The following MAP3K4 variants were observed in gnomAD, a reference collection of about 807,000 sequenced individuals.
The protein encoded by MAP3K4 is mitogen-activated protein kinase kinase kinase 4.
In MAP3K4, 67 loss-of-function variants were observed where a neutral mutation model predicts 185.6. The observed-to-expected ratio is 0.36, with a 90% CI of 0.30 to 0.44. MAP3K4 has a LOEUF of 0.44. Ranked by LOEUF, MAP3K4 falls within the 20% of genes least tolerant of loss-of-function variation. MAP3K4 has a pLI of 1.00. For synonymous variants in MAP3K4, 702 were observed against 710.4 expected, an observed-to-expected ratio of 0.99 and a Z score of 0.19; for missense variants, 1,551 against 1,995.1, an observed-to-expected ratio of 0.78 and a Z score of 4.24.
At position 161,067,937 on chromosome 6, in the gene MAP3K4, T is replaced by C. The variant is rs1467242459; in HGVS notation, c.1708-2671T>C. ...ATTACTGTTGGCATTAGGAGTACAA[T>C]AGGGAATTTGAGAACTAAGAGCTTG... On this transcript the variant is annotated intron_variant, in intron 3 of 26. Transcript: ENST00000392142. This position sits in a 1 kb window ranked among gnomAD's most constrained non-coding sequence, Gnocchi z 6.3. Among the ~76,000 whole-genome samples, 2 of 152,192 alleles carry C rather than the reference T, an allele frequency of 1.3e-5. No homozygotes were observed. The highest frequency in any genetic ancestry group is 4.8e-5 in the African/African-American group (2 of 41,450).
Position 161,116,933 on chromosome 6 carries a change from A to AGT in MAP3K4, c.*63_*64insGT. On this transcript the variant is annotated 3_prime_UTR_variant, in exon 27 of 27. Coordinates refer to ENST00000392142, the MANE Select transcript of MAP3K4 (RefSeq NM_005922.4). This position sits in a 1 kb window ranked among gnomAD's most constrained non-coding sequence, Gnocchi z 6.2. ...CACTACTGTATGTAATATTTACATA[A>AGT]AGACTGTGCTGAGAAGCAGTATAAG... is the stretch of plus-strand genomic sequence containing the variant. The AGT allele has an allele frequency of 6.9e-7, 1 of 1,452,608 alleles. No homozygotes were observed. Among genetic ancestry groups the AGT allele is most frequent in the Non-Finnish European group, 9.7e-7 (1 of 1,033,212 alleles). 90.0% of individuals were successfully genotyped at this position (1,452,608 alleles called of 1,614,324 possible). A position where few individuals can be genotyped will look rare whatever the true frequency, so the allele number is the denominator to read the frequency against.
chr6:161,044,523 C>G lies in MAP3K4; in HGVS notation c.344-4093C>G, dbSNP rs145365170. Among the ~76,000 whole-genome samples, 11 of 152,256 alleles carry G rather than the reference C, an allele frequency of 7.2e-5. No homozygotes were observed. The East Asian group carries it at 1.5e-3, about 21-fold the overall frequency. On this transcript the variant is annotated intron_variant, in intron 2 of 26. Transcript: ENST00000392142. ...AATGACTAAGTCTATAGACTACCCC[C>G]GCACCCAACACCCTAGTGTTGTTCT...
chr6:161,001,028 T>C (rs12214511), intron 1 of MAP3K4, among the ~76,000 whole-genome samples: 2 of 5,160 alleles, frequency 3.9e-4, no homozygotes, highest in African/African-American at 4.4e-3. Context: ...ATAATATATA[T>C]TATATATTAT....
At chr6:161,083,862 A>G (rs1435666782) in intron 6 of MAP3K4, among the ~76,000 whole-genome samples, 1 of 152,182 alleles carries the variant, frequency 6.6e-6, no homozygotes, top group Non-Finnish European at 1.5e-5. Flanking sequence ...TCCTCCTCCG[A>G]CAAGCCTAGC....
At chr6:160,997,455 A>G (rs549457159) in intron 1 of MAP3K4, among the ~76,000 whole-genome samples, 2 of 152,360 alleles carry the variant, frequency 1.3e-5, no homozygotes, top group Admixed American at 1.3e-4. Context: ...TCCAGTTATT[A>G]AAAACTGTTT....
rs546967692 is a variant in MAP3K4, at chr6:161,075,862, G to A, written c.2097+2250G>A. 3.3e-5 allele frequency among the ~76,000 whole-genome samples: 5 copies of A among 152,230 alleles called. No individual in the cohort carries two copies. The South Asian group carries it at 1.0e-3, about 32-fold the overall frequency. ...AGACTGTCAGTGTTTTAAAATTATG[G>A]CCTATAATGTGCTAGAAGGATCAGG... On this transcript the variant is annotated intron_variant, in intron 5 of 26. Coordinates refer to ENST00000392142, the MANE Select transcript of MAP3K4 (RefSeq NM_005922.4). This position sits in a 1 kb window ranked among gnomAD's most constrained non-coding sequence, Gnocchi z 4.3.
At chr6:161,046,242 C>T (rs957158131) in intron 2 of MAP3K4, among the ~76,000 whole-genome samples, 3 of 152,066 alleles carry the variant, frequency 2.0e-5, no homozygotes, top group Admixed American at 6.5e-5. Context: ...AATGTGGAAG[C>T]ACTGGTCATT....
At chr6:161,083,305 T>G (rs981675334) in intron 6 of MAP3K4, among the ~76,000 whole-genome samples, 14 of 152,270 alleles carry the variant, frequency 9.2e-5, no homozygotes, top group Non-Finnish European at 1.5e-4. Context: ...TTTCACATTT[T>G]TGTTTTATTT....
chr6:161,038,253 C>A (rs1783275756), intron 2 of MAP3K4, among the ~76,000 whole-genome samples: 1 of 152,144 alleles, frequency 6.6e-6, no homozygotes, highest in African/African-American at 2.4e-5. Context: ...CATCTGGATG[C>A]ACACAGGAGG....
At chr6:161,085,850 G>C (rs1381912827) in intron 7 of MAP3K4, among the ~76,000 whole-genome samples, 2 of 152,190 alleles carry the variant, frequency 1.3e-5, no homozygotes, top group Admixed American at 1.3e-4. Flanking sequence ...TGCTGGAGCT[G>C]CTTCTCCCGG....
At position 161,043,522 on chromosome 6, in the gene MAP3K4, C is replaced by A. The variant is rs1296147937; in HGVS notation, c.344-5094C>A. On this transcript the variant is annotated intron_variant, in intron 2 of 26. Coordinates refer to ENST00000392142, the MANE Select transcript of MAP3K4 (RefSeq NM_005922.4). The surrounding 1 kb of genome is among the most constrained non-coding windows in gnomAD (Gnocchi z 4.3). ...TGGTGGCACCAACTTGGGCTAGGAC[C>A]CCTGTTCTGACATTAACCATGTGTC... Among the ~76,000 whole-genome samples the A allele has an allele frequency of 6.6e-6, 1 of 152,080 alleles. No homozygotes were observed. The highest frequency in any genetic ancestry group is 1.5e-5 in the Non-Finnish European group (1 of 68,004).
In MAP3K4 at chr6:161,086,965, T is replaced by G. The variant is rs1562530000; in HGVS notation, c.2556+298T>G. ...TGTGTATAAGGAGATAATATTCATTTTAAATTATGGTTTTGTTTTTCACCC... is the reference window on the plus strand; with the variant it reads ...TGTGTATAAGGAGATAATATTCATTGTAAATTATGGTTTTGTTTTTCACCC... On this transcript the variant is annotated intron_variant, in intron 9 of 26. Coordinates refer to ENST00000392142, the MANE Select transcript of MAP3K4 (RefSeq NM_005922.4). This position sits in a 1 kb window ranked among gnomAD's most constrained non-coding sequence, Gnocchi z 4.8. Among the ~76,000 whole-genome samples the G allele has an allele frequency of 6.6e-6, 1 of 152,352 alleles. No individual in the cohort carries two copies. Among genetic ancestry groups the G allele is most frequent in the East Asian group, 1.9e-4 (1 of 5,188 alleles).
rs769450019 is a variant in MAP3K4, at chr6:161,098,258, A to C, written c.3525-20A>C. On this transcript the variant is annotated intron_variant, in intron 16 of 26. Transcript: ENST00000392142. The surrounding 1 kb of genome is among the most constrained non-coding windows in gnomAD (Gnocchi z 4.4). ...TCCCTCTTCTCACATGTGTTCCTGAAGCTTTTCTTCTTGTCTTAGCACTCG... is the reference window on the plus strand; with the variant it reads ...TCCCTCTTCTCACATGTGTTCCTGACGCTTTTCTTCTTGTCTTAGCACTCG... 2 of 1,604,722 alleles carry C rather than the reference A, an allele frequency of 1.2e-6. No homozygotes were observed. The highest frequency in any genetic ancestry group is 1.7e-5 in the Admixed American group (1 of 59,346).
At chr6:160,997,863 G>C (rs78185671) in intron 1 of MAP3K4, among the ~76,000 whole-genome samples, 157 of 152,194 alleles carry the variant, frequency 1.0e-3, no homozygotes, top group Admixed American at 1.7e-3. Flanking sequence ...TCAAATTGGA[G>C]CTGGGAGAGA....
rs1361980525 is a variant in MAP3K4 at position 161,061,093 on chromosome 6, C to T, written c.1708-9515C>T. ...CACATACACAAAATGCATCACATGT[C>T]CTTTCTGATAGTTCTGATTCAAATT... On this transcript the variant is annotated intron_variant, in intron 3 of 26. Transcript: ENST00000392142. This position sits in a 1 kb window ranked among gnomAD's most constrained non-coding sequence, Gnocchi z 4.2. Among the ~76,000 whole-genome samples the T allele has an allele frequency of 6.6e-6, 1 of 152,174 alleles. No individual in the cohort carries two copies. The highest frequency in any genetic ancestry group is 1.5e-5 in the Non-Finnish European group (1 of 68,042).
chr6:160,999,744 G>A (rs1781180911), intron 1 of MAP3K4, among the ~76,000 whole-genome samples: 1 of 152,164 alleles, frequency 6.6e-6, no homozygotes, highest in Admixed American at 6.5e-5. Flanking sequence ...CCAGCCACCT[G>A]CCATACATAG....
In MAP3K4 at chr6:161,084,550, G is replaced by A. The variant is rs772886802; in HGVS notation, c.2305G>A (p.Gly769Ser). The change falls in exon 7 of 27, where the codon GGC becomes AGC. Residue 769 changes from glycine to serine, a missense_variant. Around this residue, in one of 16 missense-constraint regions of MAP3K4, gnomAD observed 130 missense variants for 171.3 expected, o/e 0.76. Transcript: ENST00000392142. The surrounding 1 kb of genome is among the most constrained non-coding windows in gnomAD (Gnocchi z 4.6). The part of the protein sequence containing the change: ...LKSTGSFLEF[G>S]LQESCAEFWT... ...ATCTACAGGAAGTTTTTTAGAATTTGGCTTACAGGAGAGCTGTGCTGAATT... is the reference window on the plus strand; with the variant it reads ...ATCTACAGGAAGTTTTTTAGAATTTAGCTTACAGGAGAGCTGTGCTGAATT... The A allele has an allele frequency of 3.1e-6, 5 of 1,611,962 alleles. No individual in the cohort carries two copies. In the South Asian group the frequency reaches 3.3e-5, roughly 11 times the overall value.
chr6:160,993,139 A>G (rs972401303), intron 1 of MAP3K4, among the ~76,000 whole-genome samples: 1 of 152,182 alleles, frequency 6.6e-6, no homozygotes, highest in Non-Finnish European at 1.5e-5. Context: ...GTTGGCCCAA[A>G]CAAATTTGTT....
chr6:161,089,031 C>T (rs1329215829), intron 10 of MAP3K4, among the ~76,000 whole-genome samples: 1 of 152,146 alleles, frequency 6.6e-6, no homozygotes, highest in African/African-American at 2.4e-5. Flanking sequence ...CACACACTCA[C>T]ACACACTCTG....
Sources: allele counts gnomAD v4.1 joint callset (sites outside exome capture counted in the v4.1 genomes callset), GRCh38; gene constraint gnomAD v4.1.1; regional missense constraint gnomAD v4.1.1; non-coding constraint Gnocchi (gnomAD v3.1); transcripts MANE v1.5; gene names NCBI Gene and HGNC (gene_info 2026-07-23, HGNC 2026-07-21).